Variants in LTBP1 observed in about 807,000 individuals in gnomAD.
LTBP1 encodes the protein latent transforming growth factor beta binding protein 1.
A neutral mutation model predicts 207.6 loss-of-function variants in LTBP1; 129 were observed. The observed-to-expected ratio is 0.62, with a 90% CI of 0.54 to 0.72. The LOEUF (loss-of-function observed/expected upper bound fraction) is 0.72. Among genes scored for constraint, LTBP1 ranks in the 30% least tolerant of loss-of-function variants. LTBP1 has a pLI of 0.00. For synonymous variants in LTBP1, 963 were observed against 833.7 expected (o/e 1.16, Z -2.67); for missense variants, 2,281 against 2,217.2 (o/e 1.03, Z -0.58).
chr2:32,969,892 T>G (rs1680605677), intron 2 of LTBP1, among the ~76,000 whole-genome samples: 1 of 152,206 alleles, frequency 6.6e-6, no homozygotes, highest in African/African-American at 2.4e-5. Context: ...CCACCTACAG[T>G]GTATAAACAT....
chr2:33,149,162 C>T (rs1436577607), intron 5 of LTBP1, among the ~76,000 whole-genome samples: 1 of 147,154 alleles, frequency 6.8e-6, no homozygotes, highest in Non-Finnish European at 1.5e-5. Flanking sequence ...TTGCAGTGAG[C>T]CGAGATCGTG....
chr2:33,254,851 G>GTT (rs1558893129), intron 11 of LTBP1, among the ~76,000 whole-genome samples: 12 of 7,062 alleles, frequency 1.7e-3, no homozygotes, highest in African/African-American at 2.6e-3. Flanking sequence ...TGCGGTGTTT[G>GTT]GTTTTTTTTT....
chr2:33,155,731 A>G (rs1295937481), intron 5 of LTBP1, among the ~76,000 whole-genome samples: 4 of 152,046 alleles, frequency 2.6e-5, no homozygotes, highest in African/African-American at 9.7e-5. Flanking sequence ...AACTTTGCTT[A>G]TGGTGTTTTT....
chr2:33,257,924 G>C (rs2092907588), intron 12 of LTBP1, among the ~76,000 whole-genome samples: 1 of 152,218 alleles, frequency 6.6e-6, no homozygotes, highest in African/African-American at 2.4e-5. Flanking sequence ...GGGCAGTCAA[G>C]GATAATGGAG....
intron 7 of LTBP1, among the ~76,000 whole-genome samples, chr2:33,193,217 C>A (rs754102171): frequency 6.6e-6 from 1 of 152,172 alleles, no homozygotes; most frequent in East Asian, 1.9e-4. Flanking sequence ...AGAGGTGACA[C>A]TGCAACCTCT....
At chr2:33,239,204 C>T (rs1324261875) in intron 9 of LTBP1, among the ~76,000 whole-genome samples, 1 of 152,212 alleles carries the variant, frequency 6.6e-6, no homozygotes. Context: ...AAAGCTCCTT[C>T]ATGTTAGCTG....
intron 3 of LTBP1, among the ~76,000 whole-genome samples, chr2:33,056,178 A>G (rs1046092014): frequency 5.9e-5 from 9 of 152,146 alleles, no homozygotes; most frequent in African/African-American, 1.9e-4. Flanking sequence ...GCCAAGCCGT[A>G]GCGCAGAAAA....
intron 10 of LTBP1, among the ~76,000 whole-genome samples, chr2:33,249,965 T>C (rs1236888312): frequency 3.9e-5 from 6 of 152,220 alleles, no homozygotes; most frequent in Admixed American, 1.3e-4. Context: ...TAATCACATG[T>C]ACCATATTTT....
chr2:33,340,755 G>A (rs926421316), intron 24 of LTBP1, among the ~76,000 whole-genome samples: 14 of 152,148 alleles, frequency 9.2e-5, no homozygotes, highest in Admixed American at 5.9e-4. Context: ...ATACATGCCA[G>A]GCAGTCTTCA....
chr2:33,356,871 C>A (rs2094868673), intron 26 of LTBP1, among the ~76,000 whole-genome samples: 1 of 152,210 alleles, frequency 6.6e-6, no homozygotes, highest in African/African-American at 2.4e-5. Context: ...CATCATCACA[C>A]ACACAGAGTT....
chr2:33,314,642 C>T (rs2094239248), intron 23 of LTBP1, among the ~76,000 whole-genome samples: 1 of 152,170 alleles, frequency 6.6e-6, no homozygotes, highest in South Asian at 2.1e-4. Flanking sequence ...TTTATATATT[C>T]AGCAGACATT....
At chr2:33,062,368 C>G (rs146469109) in intron 3 of LTBP1, among the ~76,000 whole-genome samples, 1 of 152,044 alleles carries the variant, frequency 6.6e-6, no homozygotes, top group African/African-American at 2.4e-5. Context: ...AAATCTTTGC[C>G]TACTCTCAAA....
chr2:32,973,239 G>T (rs549914319), intron 2 of LTBP1, among the ~76,000 whole-genome samples: 1 of 151,942 alleles, frequency 6.6e-6, no homozygotes, highest in Non-Finnish European at 1.5e-5. Flanking sequence ...GTCAGTGGGT[G>T]TTGAAGTTTC....
At chr2:33,327,136 A>AT (rs1028112494) in intron 24 of LTBP1, among the ~76,000 whole-genome samples, 2 of 152,168 alleles carry the variant, frequency 1.3e-5, no homozygotes, top group African/African-American at 4.8e-5. Flanking sequence ...AGTGGTTCAG[A>AT]TAGACTCTGG....
chr2:33,375,629 G>C (rs1483379535), intron 31 of LTBP1, among the ~76,000 whole-genome samples: 1 of 151,860 alleles, frequency 6.6e-6, no homozygotes, highest in Non-Finnish European at 1.5e-5. Flanking sequence ...CCAGGTTCAC[G>C]CCATTCTCCT....
At chr2:33,273,448 A>G (rs1313586617) in intron 15 of LTBP1, among the ~76,000 whole-genome samples, 3 of 152,208 alleles carry the variant, frequency 2.0e-5, no homozygotes, top group South Asian at 4.1e-4. Flanking sequence ...ACTAGGAACT[A>G]TTGATGTCCT....
chr2:33,315,143 G>C lies in LTBP1; in HGVS notation c.3605-1G>C, dbSNP rs2094249301. ...TTTTAAGACTCTATTTTAAATTACA[G>C]ATATTAATGAATGTGAACATCCAGG... On this transcript the variant is annotated splice_acceptor_variant, in intron 23 of 33. Transcript: ENST00000404816. LOFTEE classifies it high-confidence loss of function. The C allele has an allele frequency of 6.3e-7, 1 of 1,593,646 alleles. No individual in the cohort carries two copies. The highest frequency in any genetic ancestry group is 2.2e-5 in the East Asian group (1 of 44,760).
intron 4 of LTBP1, among the ~76,000 whole-genome samples, chr2:33,129,242 GA>G (rs1318821633): frequency 6.6e-6 from 1 of 152,184 alleles, no homozygotes; most frequent in Non-Finnish European, 1.5e-5. Context: ...TATAGATCCT[GA>G]AGGGGTTCAA....
intron 3 of LTBP1, among the ~76,000 whole-genome samples, chr2:33,076,082 A>T (rs116499932): frequency 1.3e-4 from 20 of 152,328 alleles, no homozygotes; most frequent in Admixed American, 4.6e-4. Context: ...TTGGAGTTGT[A>T]TGTGACAACC....
Sources: allele counts gnomAD v4.1 joint callset (sites outside exome capture counted in the v4.1 genomes callset), GRCh38; gene constraint gnomAD v4.1.1; transcripts MANE v1.5; gene names NCBI Gene and HGNC (gene_info 2026-07-23, HGNC 2026-07-21).